The following AKAP13 variants were observed in gnomAD, a reference collection of about 807,000 sequenced individuals.
AKAP13 encodes A-kinase anchor protein 13.
A neutral mutation model predicts 264.5 loss-of-function variants in AKAP13; 80 were observed. The observed-to-expected ratio is 0.30, with a 90% CI of 0.25 to 0.36. The LOEUF is 0.36. Ranked by LOEUF, AKAP13 falls within the 10% of genes least tolerant of loss-of-function variation. The probability of loss-of-function intolerance (pLI) is 1.00; values close to 1 mark genes in which losing one functional copy is unlikely to be tolerated. For synonymous variants in AKAP13, 1,380 were observed against 1,250.2 expected (o/e 1.10, Z -2.19); for missense variants, 3,712 against 3,435.2 (o/e 1.08, Z -2.01).
intron 1 of AKAP13, among the ~76,000 whole-genome samples, chr15:85,469,651 A>G (rs564184084): frequency 9.8e-5 from 15 of 152,334 alleles, no homozygotes; most frequent in Admixed American, 8.5e-4. Flanking sequence ...TTAAATAACT[A>G]ACTCATCTGT....
At chr15:85,565,935 G>C (rs1442683912) in intron 5 of AKAP13, among the ~76,000 whole-genome samples, 1 of 152,208 alleles carries the variant, frequency 6.6e-6, no homozygotes, top group East Asian at 1.9e-4. Flanking sequence ...CAGGTTCCTT[G>C]CAGCTCTGTA....
chr15:85,384,319 T>C (rs2070441057), intron 1 of AKAP13, among the ~76,000 whole-genome samples: 2 of 152,224 alleles, frequency 1.3e-5, no homozygotes, highest in Admixed American at 6.5e-5. Flanking sequence ...TTATTACTGA[T>C]GGGGACAGGC....
Position 85,444,080 on chromosome 15 carries a change from A to G in AKAP13, c.-11-41630A>G, listed in dbSNP as rs559711129. Among the ~76,000 whole-genome samples, 4 of 152,300 alleles carry G rather than the reference A, an allele frequency of 2.6e-5. No individual in the cohort carries two copies. In the South Asian group the frequency reaches 8.3e-4, roughly 32 times the overall value. ...CGGGCTAAGGCTTGGGGCTATAATGAGTACAAAGGGAGGTGGGATATTTGG... is the reference window on the plus strand; with the variant it reads ...CGGGCTAAGGCTTGGGGCTATAATGGGTACAAAGGGAGGTGGGATATTTGG... On this transcript the variant is annotated intron_variant, in intron 1 of 36. Coordinates refer to ENST00000394518, the MANE Select transcript of AKAP13 (RefSeq NM_007200.5).
At chr15:85,720,195 G>T (rs552997044) in intron 23 of AKAP13, among the ~76,000 whole-genome samples, 67 of 151,734 alleles carry the variant, frequency 4.4e-4, no homozygotes, top group African/African-American at 1.5e-3. Context: ...GGTGATGCTC[G>T]TGCCACTGTA....
At chr15:85,676,781 A>C (rs991411401) in intron 14 of AKAP13, among the ~76,000 whole-genome samples, 1 of 152,180 alleles carries the variant, frequency 6.6e-6, no homozygotes, top group Non-Finnish European at 1.5e-5. Context: ...TATTAGCCAA[A>C]TTTTTTAGAA....
At chr15:85,636,207 A>G (rs2082064920) in intron 8 of AKAP13, among the ~76,000 whole-genome samples, 1 of 152,042 alleles carries the variant, frequency 6.6e-6, no homozygotes, top group Non-Finnish European at 1.5e-5. Context: ...TTTTAATTTC[A>G]ATTTCTAATT....
Position 85,384,132 on chromosome 15 carries a change from A to G in AKAP13, c.-12+3334A>G, listed in dbSNP as rs185909982. Among the ~76,000 whole-genome samples, 59 of 152,314 alleles carry G rather than the reference A, an allele frequency of 3.9e-4. 1 individual carries two copies. In the East Asian group the frequency reaches 9.2e-3, roughly 24 times the overall value. On this transcript the variant is annotated intron_variant, in intron 1 of 36. Transcript: ENST00000394518. ...TTTTCTGATGAAGAGATTATAGTAA[A>G]CCTTTAAAAATTATATTTGATCAAA...
At chr15:85,639,128 A>G (rs1167110603) in intron 8 of AKAP13, among the ~76,000 whole-genome samples, 2 of 152,064 alleles carry the variant, frequency 1.3e-5, no homozygotes, top group Non-Finnish European at 1.5e-5. Context: ...TATGGCCTTC[A>G]TCTTCGTGTA....
rs1348324442 is a variant in AKAP13 at position 85,654,393 on chromosome 15, G to A, written c.4375-1024G>A. On this transcript the variant is annotated intron_variant, in intron 10 of 36. Transcript: ENST00000394518. ...GCAGACTGTTTTGTTTTCAGTTAAA[G>A]CTTATAAAAAATAATTAAACCTAAC... 2.6e-5 allele frequency among the ~76,000 whole-genome samples: 4 copies of A among 152,070 alleles called. No homozygotes were observed. The East Asian group carries it at 7.7e-4, about 29-fold the overall frequency.
At chr15:85,459,741 C>T (rs536414751) in intron 1 of AKAP13, among the ~76,000 whole-genome samples, 13 of 152,082 alleles carry the variant, frequency 8.5e-5, no homozygotes, top group East Asian at 3.9e-4. Context: ...CCTTGTGATC[C>T]GCCTGCCTCA....
chr15:85,572,224 A>G (rs1236804523), intron 5 of AKAP13, among the ~76,000 whole-genome samples: 1 of 152,208 alleles, frequency 6.6e-6, no homozygotes, highest in Non-Finnish European at 1.5e-5. Flanking sequence ...CAGTGGTGGT[A>G]TATAAAGCAG....
intron 2 of AKAP13, among the ~76,000 whole-genome samples, chr15:85,490,246 A>G (rs1252384328): frequency 1.3e-5 from 2 of 152,220 alleles, no homozygotes; most frequent in African/African-American, 2.4e-5. Flanking sequence ...TTATTAGACT[A>G]TAGGGAGTGA....
intron 1 of AKAP13, among the ~76,000 whole-genome samples, chr15:85,422,429 A>G (rs1475608744): frequency 6.6e-6 from 1 of 152,180 alleles, no homozygotes; most frequent in Non-Finnish European, 1.5e-5. Flanking sequence ...CTTTGTCCTT[A>G]TGTTGGGGAA....
In AKAP13 at chr15:85,645,913, C is replaced by T. The variant is rs2082540395; in HGVS notation, c.4333C>T (p.His1445Tyr). Residue 1445 changes from histidine to tyrosine, a missense_variant, in exon 10 of 37, where the codon CAC becomes TAC. Coordinates refer to ENST00000394518, the MANE Select transcript of AKAP13 (RefSeq NM_007200.5). ...RESGSDSDLF[H>Y]SPSDDMDSII... The stretch of plus-strand genomic sequence containing the variant: ...ATCTGGGAGTGATTCTGACCTCTTT[C>T]ACTCACCCAGTGATGACATGGACAG... 2 of 1,613,820 alleles carry T rather than the reference C, an allele frequency of 1.2e-6. No individual in the cohort carries two copies. Among genetic ancestry groups the T allele is most frequent in the Non-Finnish European group, 1.7e-6 (2 of 1,179,970 alleles).
chr15:85,430,520 GGTTT>G (rs1237563310), intron 1 of AKAP13, among the ~76,000 whole-genome samples: 4 of 152,108 alleles, frequency 2.6e-5, no homozygotes, highest in Admixed American at 6.6e-5. Flanking sequence ...GCTGGCGGTG[GGTTT>G]GTTTCTTAAA....
At chr15:85,466,380 G>A (rs1475322897) in intron 1 of AKAP13, among the ~76,000 whole-genome samples, 1 of 152,024 alleles carries the variant, frequency 6.6e-6, no homozygotes, top group African/African-American at 2.4e-5. Context: ...TGTCAATTTT[G>A]GCTTTTGTTG....
At chr15:85,739,531 A>G (rs2088802719) in intron 33 of AKAP13, among the ~76,000 whole-genome samples, 2 of 151,994 alleles carry the variant, frequency 1.3e-5, no homozygotes, top group South Asian at 2.1e-4. Context: ...TTGAATTTCT[A>G]TTAGTTCTTT....
At chr15:85,462,830 C>T (rs2074568250) in intron 1 of AKAP13, among the ~76,000 whole-genome samples, 1 of 151,114 alleles carries the variant, frequency 6.6e-6, no homozygotes, top group African/African-American at 2.4e-5. Flanking sequence ...CGAGACCATC[C>T]CGGCTAAAAT....
Position 85,693,263 on chromosome 15 carries a change from C to A in AKAP13, c.5290-14C>A. On this transcript the variant is annotated splice_polypyrimidine_tract_variant and intron_variant, in intron 16 of 36. Coordinates refer to ENST00000394518, the MANE Select transcript of AKAP13 (RefSeq NM_007200.5). ...TGTTCAATTAACTGTGGATTATTTT[C>A]TTTTCTTCGGCAGGAAAAGGAAAAA... 6.3e-7 allele frequency: 1 copy of A among 1,586,778 alleles called. No individual in the cohort carries two copies. Among genetic ancestry groups the A allele is most frequent in the African/African-American group, 1.4e-5 (1 of 73,018 alleles).
Sources: allele counts gnomAD v4.1 joint callset (sites outside exome capture counted in the v4.1 genomes callset), GRCh38; gene constraint gnomAD v4.1.1; transcripts MANE v1.5; gene names NCBI Gene and HGNC (gene_info 2026-07-23, HGNC 2026-07-21).